Variants in UBN2 observed in about 807,000 individuals in gnomAD.
UBN2 encodes the protein ubinuclein-2.
Under a neutral mutation model 120.2 loss-of-function variants are expected in UBN2, and 35 were observed. That is an observed-to-expected ratio of 0.29 (90% confidence interval 0.22 to 0.39). The LOEUF is 0.39. Among genes scored for constraint, UBN2 ranks in the 10% least tolerant of loss-of-function variants. UBN2 has a pLI of 1.00. For missense variants in UBN2, 1,693 were observed against 1,663.2 expected, an observed-to-expected ratio of 1.02 and a Z score of -0.31; for synonymous variants, 661 against 648.7, an observed-to-expected ratio of 1.02 and a Z score of -0.29.
intron 1 of UBN2, among the ~76,000 whole-genome samples, chr7:139,234,728 C>T (rs1430673837): frequency 6.6e-6 from 1 of 152,134 alleles, no homozygotes; most frequent in East Asian, 1.9e-4. Flanking sequence ...AACCAGAACA[C>T]CCATTTGTGA....
At chr7:139,238,320 A>T (rs757119271) in intron 2 of UBN2, among the ~76,000 whole-genome samples, 3 of 152,170 alleles carry the variant, frequency 2.0e-5, no homozygotes, top group Non-Finnish European at 2.9e-5. Flanking sequence ...AAGGTAGAAG[A>T]AGTAGATGAG....
chr7:139,259,118 G>A, intron 4 of UBN2, 149 bp from the exon 5 acceptor site: 1 of 1,184,080 alleles, frequency 8.4e-7, no homozygotes. Context: ...AGGTGAGAGT[G>A]CTCTTGAACC....
chr7:139,299,822 C>T lies in UBN2; in HGVS notation c.*1986C>T, dbSNP rs761710224. 2 of 151,918 alleles carry T rather than the reference C, an allele frequency of 1.3e-5. No homozygotes were observed. Among genetic ancestry groups the T allele is most frequent in the Non-Finnish European group, 2.9e-5 (2 of 67,988 alleles). 9.4% of individuals were successfully genotyped at this position (151,918 alleles called of 1,614,324 possible). A position where few individuals can be genotyped will look rare whatever the true frequency, so the allele number is the denominator to read the frequency against. On this transcript the variant is annotated 3_prime_UTR_variant, in exon 18 of 18. Transcript: ENST00000473989. ...AAATGTAGTGGACCTCTTGCTTTTA[C>T]GAAATATGAATAAAAAGGTCTTTGC... is the stretch of plus-strand genomic sequence containing the variant.
Position 139,261,355 on chromosome 7 carries a change from G to A in UBN2, c.1009G>A (p.Ala337Thr), listed in dbSNP as rs1016163778. The A allele has an allele frequency of 1.2e-6, 2 of 1,614,078 alleles. No individual in the cohort carries two copies. The highest frequency in any genetic ancestry group is 1.7e-6 in the Non-Finnish European group (2 of 1,180,046). The change falls in exon 6 of 18, where the codon GCA (alanine) becomes ACA (threonine). Residue 337 changes from alanine to threonine, a missense_variant. Transcript: ENST00000473989. ...MIRKFQKEKDALKKESNPKVP... is the reference protein window; with the variant it reads ...MIRKFQKEKDTLKKESNPKVP... ...TAGAAAATTCCAGAAAGAGAAGGAT[G>A]CATTAAAGAAGGAGTCTAACCCCAA...
chr7:139,323,394 T>C, the UBN2 span, among the ~76,000 whole-genome samples: 1 of 152,138 alleles, frequency 6.6e-6, no homozygotes, highest in African/African-American at 2.4e-5. Flanking sequence ...TCTCCTTTGA[T>C]GACAAGAGGC....
chr7:139,306,570 A>G lies in UBN2; in HGVS notation c.*8734A>G, dbSNP rs1585039820. On this transcript the variant is annotated 3_prime_UTR_variant, in exon 18 of 18. Transcript: ENST00000473989. ...TCAGATAATCAATGGGCCTTTCCCCATTAGAGGTAGGTTCCCAGCCTACAA... is the reference window on the plus strand; with the variant it reads ...TCAGATAATCAATGGGCCTTTCCCCGTTAGAGGTAGGTTCCCAGCCTACAA... The G allele has an allele frequency of 1.3e-5, 2 of 152,320 alleles. No individual in the cohort carries two copies. The highest frequency in any genetic ancestry group is 3.9e-4 in the East Asian group (2 of 5,186). The allele number at this position is 152,320 out of a possible 1,614,324, so 9.4% of individuals were successfully genotyped here. A position where few individuals can be genotyped will look rare whatever the true frequency, so the allele number is the denominator to read the frequency against.
chr7:139,237,783 G>A lies in UBN2; in HGVS notation c.561+686G>A, dbSNP rs150809823. On this transcript the variant is annotated intron_variant, in intron 2 of 17. Transcript: ENST00000473989. The stretch of plus-strand genomic sequence containing the variant: ...ACTCTGTTCCCTTTCCGCCACCATC[G>A]AGAATGCTATTTTAATTCCTTTGGT... 3.2e-4 allele frequency among the ~76,000 whole-genome samples: 49 copies of A among 152,124 alleles called. No homozygotes were observed. The Middle Eastern group carries it at 0.01, about 32-fold the overall frequency.
At chr7:139,263,124 T>G (rs1216709415) in intron 6 of UBN2, among the ~76,000 whole-genome samples, 1 of 152,200 alleles carries the variant, frequency 6.6e-6, no homozygotes, top group East Asian at 1.9e-4. Context: ...CTCCTTTCTG[T>G]TACCTTGCAA....
intron 2 of UBN2, among the ~76,000 whole-genome samples, chr7:139,237,692 T>G (rs1796202349): frequency 6.6e-6 from 1 of 152,222 alleles, no homozygotes; most frequent in Non-Finnish European, 1.5e-5. Context: ...AGTTCAAGAT[T>G]AAGTAGCTGA....
downstream of UBN2, among the ~76,000 whole-genome samples, chr7:139,310,556 A>G (rs2131102687): frequency 6.6e-6 from 1 of 152,296 alleles, no homozygotes; most frequent in East Asian, 1.9e-4. Flanking sequence ...GGATCACTTG[A>G]GGTCAGGAGT....
chr7:139,295,199 A>G (rs757527653), intron 17 of UBN2, among the ~76,000 whole-genome samples: 1 of 152,018 alleles, frequency 6.6e-6, no homozygotes, highest in African/African-American at 2.4e-5. Flanking sequence ...ACAGATTGCC[A>G]TTAATCCTCT....
chr7:139,308,607 C>T (rs1218879617), downstream of UBN2, among the ~76,000 whole-genome samples: 1 of 152,034 alleles, frequency 6.6e-6, no homozygotes, highest in Non-Finnish European at 1.5e-5. Flanking sequence ...GGAGCATTTG[C>T]TGTGAGGGGC....
At position 139,304,597 on chromosome 7, in the gene UBN2, C is replaced by G. The variant is rs2131092612; in HGVS notation, c.*6761C>G. ...AAAGCAAAATGTTGGGGATGAGGAA[C>G]CAGTGTTACCAGGTTCAAGTGAGTT... is the stretch of plus-strand genomic sequence containing the variant. On this transcript the variant is annotated 3_prime_UTR_variant, in exon 18 of 18. Transcript: ENST00000473989. 6.6e-6 allele frequency: 1 copy of G among 151,878 alleles called. No homozygotes were observed. Among genetic ancestry groups the G allele is most frequent in the East Asian group, 1.9e-4 (1 of 5,178 alleles). 9.4% of individuals were successfully genotyped at this position (151,878 alleles called of 1,614,324 possible).
At chr7:139,264,515 C>G (rs1434432924) in intron 6 of UBN2, among the ~76,000 whole-genome samples, 1 of 152,158 alleles carries the variant, frequency 6.6e-6, no homozygotes, top group Non-Finnish European at 1.5e-5. Context: ...TAGAAGTCTG[C>G]AACTTCAATG....
At chr7:139,249,849 C>T (rs1396968958) in intron 2 of UBN2, among the ~76,000 whole-genome samples, 1 of 151,904 alleles carries the variant, frequency 6.6e-6, no homozygotes, top group Non-Finnish European at 1.5e-5. Context: ...AGGCAACATG[C>T]CACCATGCCT....
chr7:139,260,343 C>G (rs1267795682), intron 5 of UBN2, among the ~76,000 whole-genome samples: 1 of 152,088 alleles, frequency 6.6e-6, no homozygotes, highest in Non-Finnish European at 1.5e-5. Context: ...AGTGATTCAC[C>G]AGCCTCAGCC....
intron 3 of UBN2, among the ~76,000 whole-genome samples, chr7:139,257,293 C>T (rs1261376958): frequency 6.6e-6 from 1 of 152,228 alleles, no homozygotes; most frequent in Non-Finnish European, 1.5e-5. Context: ...AAAGTACCTC[C>T]TCATTCTAGG....
At chr7:139,287,395 G>C (rs200108274) in intron 15 of UBN2, among the ~76,000 whole-genome samples, 2 of 151,922 alleles carry the variant, frequency 1.3e-5, no homozygotes, top group African/African-American at 4.8e-5. Context: ...ATTTTCATTT[G>C]CTTCATTTTC....
chr7:139,243,028 A>G (rs2130940663), intron 2 of UBN2, among the ~76,000 whole-genome samples: 1 of 152,330 alleles, frequency 6.6e-6, no homozygotes, highest in East Asian at 1.9e-4. Context: ...AGAGGTTATC[A>G]ATGAATGTTG....
Sources: allele counts gnomAD v4.1 joint callset (sites outside exome capture counted in the v4.1 genomes callset), GRCh38; gene constraint gnomAD v4.1.1; transcripts MANE v1.5; gene names NCBI Gene and HGNC (gene_info 2026-07-23, HGNC 2026-07-21).